UNC80: variants seen among roughly 807,000 people sequenced by gnomAD.
The protein encoded by UNC80 is protein unc-80 homolog.
UNC80 carries 164 observed loss-of-function variants against 384.6 expected under a neutral mutation model. The ratio of observed to expected loss-of-function variants is 0.43; its 90% CI spans 0.38 to 0.49. UNC80 has a LOEUF of 0.49. UNC80 is among the 20% of genes least tolerant of loss of function. The pLI is 0.00. For missense variants in UNC80, 3,330 were observed against 4,143.0 expected (o/e 0.80, Z 5.39); for synonymous variants, 1,486 against 1,527.8 (o/e 0.97, Z 0.64).
chr2:209,945,738 A>C (rs1224061338), intron 46 of UNC80, 109 bp from the exon 47 acceptor site: 1 of 647,662 alleles, frequency 1.5e-6, no homozygotes. Context: ...AAATTTAACA[A>C]GAAAAGGCTA....
chr2:209,992,122 C>T lies in UNC80; in HGVS notation c.9315-44C>T, dbSNP rs758226115. 5 of 1,510,204 alleles carry T rather than the reference C, an allele frequency of 3.3e-6. No homozygotes were observed. The South Asian group carries it at 3.6e-5, about 11-fold the overall frequency. 93.6% of individuals were successfully genotyped at this position (1,510,204 alleles called of 1,614,324 possible). On this transcript the variant is annotated intron_variant, in intron 61 of 64. Transcript: ENST00000673920. ...CTAACACCCACCAGAGGACAGTCTCCTGTACTCTCTCCGGGGTACACTAAC... is the reference window on the plus strand; with the variant it reads ...CTAACACCCACCAGAGGACAGTCTCTTGTACTCTCTCCGGGGTACACTAAC...
chr2:209,958,578 T>C (rs573325046), intron 49 of UNC80, among the ~76,000 whole-genome samples: 4 of 152,336 alleles, frequency 2.6e-5, no homozygotes, highest in East Asian at 3.9e-4. Context: ...GGTTAACTTA[T>C]GCCTCAATTT....
intron 22 of UNC80, among the ~76,000 whole-genome samples, chr2:209,859,844 T>A (rs1351467002): frequency 6.6e-6 from 1 of 152,212 alleles, no homozygotes; most frequent in Non-Finnish European, 1.5e-5. Flanking sequence ...AAAGTGTCTG[T>A]TCATATCCTT....
chr2:209,930,668 A>G (rs780871300), intron 37 of UNC80, among the ~76,000 whole-genome samples: 45 of 152,078 alleles, frequency 3.0e-4, no homozygotes, highest in Middle Eastern at 3.4e-3. Flanking sequence ...AACTAAATAT[A>G]CAGCTTTCCT....
rs1471227674 is a variant in UNC80, at chr2:209,813,539, T to C, written c.939-41T>C. ...CATGCTGTGCTGCCCCTCTGAAAGC[T>C]TGATTGTCAGTATAATTATCTTCTT... On this transcript the variant is annotated intron_variant, in intron 7 of 64. Coordinates refer to ENST00000673920, the MANE Select transcript of UNC80 (RefSeq NM_001371986.1). 3.9e-6 allele frequency: 6 copies of C among 1,533,854 alleles called. No homozygotes were observed. The South Asian group carries it at 6.1e-5, about 15-fold the overall frequency.
In UNC80 at chr2:209,838,037, C is replaced by G. The variant is rs546035597; in HGVS notation, c.3042-1185C>G. ...CCGCCTGCCTCGGCCTCCCAAAGTG[C>G]TGGGATTACAGGTGTGAGCCACTGC... is the stretch of plus-strand genomic sequence containing the variant. On this transcript the variant is annotated intron_variant, in intron 18 of 64. Transcript: ENST00000673920. Among the ~76,000 whole-genome samples, 6 of 152,272 alleles carry G rather than the reference C, an allele frequency of 3.9e-5. No individual in the cohort carries two copies. In the South Asian group the frequency reaches 1.0e-3, roughly 26 times the overall value.
At chr2:209,922,520 T>C (rs1224160071) in intron 35 of UNC80, 137 bp downstream of exon 35, 8 of 1,099,526 alleles carry the variant, frequency 7.3e-6, no homozygotes, top group Non-Finnish European at 9.9e-6. Flanking sequence ...TAAAAAAAAT[T>C]AGCATGGCAT....
intron 7 of UNC80, chr2:209,794,681 C>A (rs2078043244): frequency 5.5e-6 from 2 of 365,158 alleles, no homozygotes; most frequent in Admixed American, 3.0e-5. Flanking sequence ...TCATGGGGGC[C>A]AGTCTTTCCC....
In UNC80 at chr2:209,959,687, G is replaced by T; in HGVS notation, c.7785G>T (p.Leu2595=). ...GEPRVIALEL[L]DVKSHMRLAE... is the part of the protein sequence containing the mutation. ...CTCGGGTCATTGCCTTGGAACTGCTGGATGTGAAGTCTCACATGAGGTACT... is the reference window on the plus strand; with the variant it reads ...CTCGGGTCATTGCCTTGGAACTGCTTGATGTGAAGTCTCACATGAGGTACT... The change falls in exon 51 of 65, where the codon CTG becomes CTT. Residue 2595 remains leucine (L), a synonymous_variant. Transcript: ENST00000673920. 6.4e-7 allele frequency: 1 copy of T among 1,551,520 alleles called. No homozygotes were observed. The highest frequency in any genetic ancestry group is 8.7e-7 in the Non-Finnish European group (1 of 1,146,974).
intron 3 of UNC80, 151 bp downstream of exon 3, chr2:209,776,196 A>T (rs775120044): frequency 2.0e-4 from 200 of 1,004,326 alleles, no homozygotes; most frequent in Non-Finnish European, 2.6e-4. Flanking sequence ...TCACACTTAT[A>T]CTCATTATTT....
At chr2:209,880,905 A>G in intron 24 of UNC80, 56 bp from the exon 25 acceptor site, 1 of 1,515,874 alleles carries the variant, frequency 6.6e-7, no homozygotes, top group Non-Finnish European at 9.0e-7. Context: ...CAAACTATGC[A>G]TTTCTGTATT....
chr2:209,961,794 C>G (rs1444742120), intron 51 of UNC80, among the ~76,000 whole-genome samples: 1 of 152,132 alleles, frequency 6.6e-6, no homozygotes, highest in East Asian at 1.9e-4. Context: ...CCCCTTCACT[C>G]TCTGAAGGTT....
intron 17 of UNC80, 102 bp from the exon 18 acceptor site, chr2:209,834,810 C>A: frequency 2.1e-6 from 2 of 953,950 alleles, no homozygotes; most frequent in Non-Finnish European, 3.2e-6. Flanking sequence ...TCACAAGCTG[C>A]AAAGTTGTCT....
chr2:209,915,330 G>A (rs1321530078), intron 31 of UNC80, among the ~76,000 whole-genome samples: 3 of 151,258 alleles, frequency 2.0e-5, no homozygotes, highest in Admixed American at 6.6e-5. Flanking sequence ...GCATGAACCC[G>A]GGAGGCGGAA....
chr2:209,983,013 T>C (rs2093196726), intron 60 of UNC80: 1 of 151,904 alleles, frequency 6.6e-6, no homozygotes, highest in African/African-American at 2.4e-5. Context: ...AGTCAAAACA[T>C]TTATCTTAAG....
chr2:209,787,351 AG>A (rs1390082427), intron 5 of UNC80, among the ~76,000 whole-genome samples: 1 of 152,214 alleles, frequency 6.6e-6, no homozygotes, highest in Non-Finnish European at 1.5e-5. Context: ...TTTATGTAAT[AG>A]TTAAAGCACA....
At chr2:209,920,306 T>G (rs771391576) in intron 33 of UNC80, among the ~76,000 whole-genome samples, 3 of 152,206 alleles carry the variant, frequency 2.0e-5, no homozygotes, top group Non-Finnish European at 4.4e-5. Context: ...CCCCTGCCTG[T>G]CTCTTGAACC....
At chr2:209,942,824 G>A (rs936672486) in intron 44 of UNC80, among the ~76,000 whole-genome samples, 1 of 150,176 alleles carries the variant, frequency 6.7e-6, no homozygotes, top group African/African-American at 2.5e-5. Flanking sequence ...GGTAATCATT[G>A]TTTATACTTA....
At position 209,838,017 on chromosome 2, in the gene UNC80, T is replaced by C. The variant is rs10183823; in HGVS notation, c.3042-1205T>C. 9.0e-3 allele frequency among the ~76,000 whole-genome samples: 1,369 copies of C among 152,194 alleles called. 20 individuals are homozygous for C. The highest frequency in any genetic ancestry group is 0.032 in the African/African-American group (1,309 of 41,534). ...CGATCTCCTGACCTCATGATCCGCCTGCCTCGGCCTCCCAAAGTGCTGGGA... is the reference window on the plus strand; with the variant it reads ...CGATCTCCTGACCTCATGATCCGCCCGCCTCGGCCTCCCAAAGTGCTGGGA... On this transcript the variant is annotated intron_variant, in intron 18 of 64. Coordinates refer to ENST00000673920, the MANE Select transcript of UNC80 (RefSeq NM_001371986.1).
Sources: gnomAD v4.1 joint callset for allele counts (sites outside exome capture counted in the v4.1 genomes callset) on GRCh38, gnomAD v4.1.1 for gene constraint, MANE v1.5 for transcripts, NCBI Gene and HGNC (gene_info 2026-07-23, HGNC 2026-07-21) for gene names.